The following TCF12 variants were observed in gnomAD, a reference collection of about 807,000 sequenced individuals.
TCF12 encodes DNA-binding protein HTF4.
Under a neutral mutation model 86.0 loss-of-function variants are expected in TCF12, and 45 were observed. That is an observed-to-expected ratio of 0.52 (90% confidence interval 0.41 to 0.67). The LOEUF (loss-of-function observed/expected upper bound fraction) is 0.67, where lower values mean the gene tolerates loss of function less well. Ranked by LOEUF, TCF12 falls within the 30% of genes least tolerant of loss-of-function variation. TCF12 has a pLI of 0.00. For missense variants in TCF12, 881 were observed against 859.9 expected (o/e 1.02, Z -0.31); for synonymous variants, 330 against 299.6 (o/e 1.10, Z -1.05).
At chr15:57,133,805 T>G (rs1293068753) in intron 5 of TCF12, among the ~76,000 whole-genome samples, 5 of 152,242 alleles carry the variant, frequency 3.3e-5, no homozygotes, top group African/African-American at 1.2e-4. Context: ...ACTCCTTCTG[T>G]CTAGGATGTT....
At chr15:57,093,781 C>T (rs2585101) in intron 5 of TCF12, among the ~76,000 whole-genome samples, 1,582 of 152,138 alleles carry the variant, frequency 0.01, 31 homozygotes, top group African/African-American at 0.036. Context: ...AAATCAACAT[C>T]TAAAAAAAGT....
chr15:57,211,750 T>TC (rs1403208122), intron 8 of TCF12, among the ~76,000 whole-genome samples: 1 of 152,130 alleles, frequency 6.6e-6, no homozygotes, highest in Non-Finnish European at 1.5e-5. Flanking sequence ...GGCCAGGAGT[T>TC]CAAGACCAGC....
intron 8 of TCF12, among the ~76,000 whole-genome samples, chr15:57,228,123 T>C (rs967967720): frequency 6.6e-6 from 1 of 151,938 alleles, no homozygotes; most frequent in Admixed American, 6.6e-5. Flanking sequence ...TTTTGTGGAA[T>C]TGGCTGACTA....
At chr15:57,162,348 A>G (rs1403846901) in intron 5 of TCF12, among the ~76,000 whole-genome samples, 5 of 152,202 alleles carry the variant, frequency 3.3e-5, no homozygotes, top group Non-Finnish European at 7.4e-5. Flanking sequence ...AATTCATGAA[A>G]ATAGTTCTTG....
chr15:57,148,004 G>A (rs1197157131), intron 5 of TCF12, among the ~76,000 whole-genome samples: 5 of 150,760 alleles, frequency 3.3e-5, no homozygotes, highest in East Asian at 2.0e-4. Flanking sequence ...CTCAGCCTTC[G>A]AATAGCTGGG....
intron 3 of TCF12, among the ~76,000 whole-genome samples, chr15:56,983,556 T>A (rs1322147976): frequency 1.3e-5 from 2 of 152,208 alleles, no homozygotes; most frequent in African/African-American, 2.4e-5. Context: ...TATGTAACAT[T>A]TCCTAGAGAG....
At chr15:57,279,382 T>C (rs1278782516) in intron 19 of TCF12, among the ~76,000 whole-genome samples, 2 of 152,196 alleles carry the variant, frequency 1.3e-5, no homozygotes, top group African/African-American at 2.4e-5. Flanking sequence ...AAGAAGTCAA[T>C]AGATAGAATT....
intron 3 of TCF12, among the ~76,000 whole-genome samples, chr15:56,977,223 TTTTG>T (rs1180543719): frequency 2.2e-4 from 34 of 152,176 alleles, no homozygotes; most frequent in Admixed American, 1.8e-3. Context: ...GGGAAAATTT[TTTTG>T]TTTGTTTGTT....
At chr15:57,053,622 T>G (rs1173362861) in intron 3 of TCF12, among the ~76,000 whole-genome samples, 2 of 152,152 alleles carry the variant, frequency 1.3e-5, no homozygotes, top group East Asian at 1.9e-4. Flanking sequence ...ATCACCTTTT[T>G]TTTTTTTTTG....
intron 3 of TCF12, among the ~76,000 whole-genome samples, chr15:56,978,691 C>G (rs1021267755): frequency 6.6e-6 from 1 of 152,090 alleles, no homozygotes; most frequent in Non-Finnish European, 1.5e-5. Flanking sequence ...AAGCAAAATA[C>G]TCTTATTTCC....
intron 2 of TCF12, among the ~76,000 whole-genome samples, chr15:56,920,406 T>A (rs2059730723): frequency 6.6e-6 from 1 of 152,024 alleles, no homozygotes; most frequent in South Asian, 2.1e-4. Context: ...ACCTGAAAGA[T>A]GTCAGCGACA....
At position 57,056,806 on chromosome 15, in the gene TCF12, C is replaced by CTT. The variant is rs113348374; in HGVS notation, c.149-6931_149-6930dup. On this transcript the variant is annotated intron_variant, in intron 3 of 20. Coordinates refer to ENST00000333725, the MANE Select transcript of TCF12 (RefSeq NM_207037.2). ...TTTCTTTTTCTTCGTGAGATTTTCACTTTTTTTTTTTTTTCATTAAAAGCA... is the reference window on the plus strand; with the variant it reads ...TTTCTTTTTCTTCGTGAGATTTTCACTTTTTTTTTTTTTTTTCATTAAAAGCA... 3.8e-3 allele frequency among the ~76,000 whole-genome samples: 544 copies of CTT among 142,314 alleles called. 5 individuals are homozygous for CTT. The highest frequency in any genetic ancestry group is 0.014 in the African/African-American group (522 of 38,600). 93.4% of individuals were successfully genotyped at this position (142,314 alleles called of 152,430 possible).
intron 8 of TCF12, among the ~76,000 whole-genome samples, chr15:57,198,405 T>C (rs1428508034): frequency 6.6e-6 from 1 of 152,092 alleles, no homozygotes; most frequent in African/African-American, 2.4e-5. Context: ...AAGCAACTAG[T>C]TTGTTGATCC....
chr15:57,049,434 C>G (rs373676757), intron 3 of TCF12, among the ~76,000 whole-genome samples: 5 of 152,184 alleles, frequency 3.3e-5, no homozygotes, highest in Admixed American at 2.0e-4. Flanking sequence ...AGATTAGTTT[C>G]GTTACTTCTG....
At chr15:57,133,338 T>C (rs1373213207) in intron 5 of TCF12, among the ~76,000 whole-genome samples, 1 of 152,216 alleles carries the variant, frequency 6.6e-6, no homozygotes, top group Non-Finnish European at 1.5e-5. Flanking sequence ...TGTATTAATA[T>C]GCACAACATG....
At chr15:57,224,492 G>A (rs1480266591) in intron 8 of TCF12, among the ~76,000 whole-genome samples, 1 of 151,990 alleles carries the variant, frequency 6.6e-6, no homozygotes, top group African/African-American at 2.4e-5. Context: ...AATTTAAATG[G>A]GCTTAGAAGG....
chr15:57,006,870 C>T (rs1418144343), intron 3 of TCF12, among the ~76,000 whole-genome samples: 2 of 152,030 alleles, frequency 1.3e-5, no homozygotes, highest in Non-Finnish European at 1.5e-5. Flanking sequence ...GAGCCGAGAT[C>T]GCACCACTGC....
chr15:57,179,757 C>T (rs1321292956), intron 6 of TCF12, among the ~76,000 whole-genome samples: 4 of 152,088 alleles, frequency 2.6e-5, no homozygotes, highest in Admixed American at 2.0e-4. Flanking sequence ...GGATTAGAAG[C>T]ATCTCAGGTT....
chr15:57,113,711 A>C (rs985372109), intron 5 of TCF12, among the ~76,000 whole-genome samples: 1 of 151,116 alleles, frequency 6.6e-6, no homozygotes. Flanking sequence ...AGGACAAATC[A>C]GGAGTATTGT....
Sources: allele counts gnomAD v4.1 joint callset (sites outside exome capture counted in the v4.1 genomes callset), GRCh38; gene constraint gnomAD v4.1.1; transcripts MANE v1.5; gene names NCBI Gene and HGNC (gene_info 2026-07-23, HGNC 2026-07-21).